Variants in ARHGAP12 observed in about 807,000 individuals in gnomAD.
ARHGAP12 encodes rho GTPase-activating protein 12.
A neutral mutation model predicts 108.6 loss-of-function variants in ARHGAP12; 64 were observed. That is an observed-to-expected ratio of 0.59 (90% confidence interval 0.48 to 0.73). The LOEUF is 0.73. Ranked by LOEUF, ARHGAP12 falls within the 30% of genes least tolerant of loss-of-function variation. The pLI is 0.00. For missense variants in ARHGAP12, 940 were observed against 1,005.9 expected, an observed-to-expected ratio of 0.93 and a Z score of 0.89; for synonymous variants, 312 against 337.2, an observed-to-expected ratio of 0.93 and a Z score of 0.82.
At chr10:31,893,467 C>A (rs1214773530) in intron 3 of ARHGAP12, among the ~76,000 whole-genome samples, 1 of 152,168 alleles carries the variant, frequency 6.6e-6, no homozygotes, top group African/African-American at 2.4e-5. Context: ...ACTATAAACA[C>A]CTCTATGCAA....
At chr10:31,818,719 T>C (rs922500726) in intron 12 of ARHGAP12, among the ~76,000 whole-genome samples, 3 of 152,178 alleles carry the variant, frequency 2.0e-5, no homozygotes, top group Non-Finnish European at 4.4e-5. Flanking sequence ...AAAAGGTATA[T>C]AATATTAACT....
intron 10 of ARHGAP12, among the ~76,000 whole-genome samples, chr10:31,831,018 T>C (rs1162995085): frequency 6.6e-6 from 1 of 152,202 alleles, no homozygotes; most frequent in African/African-American, 2.4e-5. Flanking sequence ...AATTCCACTT[T>C]TTGTAAAATT....
chr10:31,906,607 C>T (rs1349175444), intron 3 of ARHGAP12, among the ~76,000 whole-genome samples: 1 of 152,058 alleles, frequency 6.6e-6, no homozygotes, highest in Non-Finnish European at 1.5e-5. Flanking sequence ...AAACAGAGAA[C>T]TGAGTAAAAT....
intron 14 of ARHGAP12, among the ~76,000 whole-genome samples, chr10:31,814,058 G>A (rs374525980): frequency 9.5e-4 from 144 of 152,326 alleles, no homozygotes; most frequent in African/African-American, 3.0e-3. Context: ...GCCACAGGAT[G>A]CATACTATGA....
intron 4 of ARHGAP12, 110 bp downstream of exon 4, chr10:31,861,285 C>G: frequency 7.9e-7 from 1 of 1,258,268 alleles, no homozygotes; most frequent in Non-Finnish European, 1.1e-6. Context: ...TTAGAGATCA[C>G]GTGTTTTAAC....
intron 3 of ARHGAP12, among the ~76,000 whole-genome samples, chr10:31,865,977 G>A (rs1196645852): frequency 6.6e-6 from 1 of 152,060 alleles, no homozygotes; most frequent in African/African-American, 2.4e-5. Context: ...AAGATGAAAT[G>A]AGAACCCTGG....
chr10:31,815,545 ATTC>A (rs1445321477), intron 13 of ARHGAP12, among the ~76,000 whole-genome samples: 1 of 151,958 alleles, frequency 6.6e-6, no homozygotes, highest in Non-Finnish European at 1.5e-5. Flanking sequence ...TGTCTTAGGT[ATTC>A]TTAGTTTTTT....
In ARHGAP12 at chr10:31,807,057, C is replaced by G. The variant is rs1834844094; in HGVS notation, c.*601G>C. ...TTTTAAGTAATATTAGTGTGCTGCC[C>G]AAACAAGCAACTAAGATATCCAGTA... On this transcript the variant is annotated 3_prime_UTR_variant, in exon 20 of 20. Coordinates refer to ENST00000344936, the MANE Select transcript of ARHGAP12 (RefSeq NM_018287.7). 6.6e-6 allele frequency: 1 copy of G among 152,500 alleles called. No homozygotes were observed. Among genetic ancestry groups the G allele is most frequent in the Non-Finnish European group, 1.5e-5 (1 of 68,004 alleles). The allele number at this position is 152,500 out of a possible 1,614,324, so 9.4% of individuals were successfully genotyped here. A position where few individuals can be genotyped will look rare whatever the true frequency, so the allele number is the denominator to read the frequency against.
chr10:31,872,665 T>C (rs892234895), intron 3 of ARHGAP12, among the ~76,000 whole-genome samples: 1 of 152,300 alleles, frequency 6.6e-6, no homozygotes, highest in East Asian at 1.9e-4. Flanking sequence ...TCCTCCATGA[T>C]ACCACTAGTT....
At chr10:31,898,909 C>G (rs1189647370) in intron 3 of ARHGAP12, among the ~76,000 whole-genome samples, 1 of 152,070 alleles carries the variant, frequency 6.6e-6, no homozygotes, top group Non-Finnish European at 1.5e-5. Flanking sequence ...ATTATTCATA[C>G]TAGCCAAAAA....
chr10:31,849,357 C>T (rs568837358), intron 6 of ARHGAP12, among the ~76,000 whole-genome samples: 40 of 152,206 alleles, frequency 2.6e-4, no homozygotes, highest in Non-Finnish European at 1.9e-4. Context: ...AAACATGTTT[C>T]TTCTTTCCAA....
intron 3 of ARHGAP12, among the ~76,000 whole-genome samples, chr10:31,877,241 C>A (rs1205137232): frequency 6.6e-6 from 1 of 152,182 alleles, no homozygotes; most frequent in Non-Finnish European, 1.5e-5. Context: ...GAACAAAGTG[C>A]TACCAGAGGA....
chr10:31,854,484 T>C (rs952970224), intron 4 of ARHGAP12, among the ~76,000 whole-genome samples: 5 of 152,142 alleles, frequency 3.3e-5, no homozygotes, highest in African/African-American at 9.7e-5. Context: ...AGAGCTCGAA[T>C]GTTACTTAGT....
intron 3 of ARHGAP12, among the ~76,000 whole-genome samples, chr10:31,890,433 C>G (rs991717654): frequency 6.6e-6 from 1 of 152,064 alleles, no homozygotes; most frequent in African/African-American, 2.4e-5. Context: ...CTTATTTAAG[C>G]CATTATATAG....
intron 1 of ARHGAP12, among the ~76,000 whole-genome samples, chr10:31,917,960 T>A (rs1410211142): frequency 1.3e-5 from 2 of 152,042 alleles, no homozygotes; most frequent in African/African-American, 4.8e-5. Context: ...TACCTTTTTT[T>A]TTTTTCTTTT....
At chr10:31,813,771 G>A (rs1835101579) in intron 14 of ARHGAP12, among the ~76,000 whole-genome samples, 1 of 152,178 alleles carries the variant, frequency 6.6e-6, no homozygotes, top group Non-Finnish European at 1.5e-5. Flanking sequence ...CTTTTGCTAT[G>A]CTCCTTTCTG....
chr10:31,842,891 A>C (rs942710453), intron 7 of ARHGAP12, among the ~76,000 whole-genome samples: 1 of 152,132 alleles, frequency 6.6e-6, no homozygotes, highest in Non-Finnish European at 1.5e-5. Context: ...ATCCATTCTA[A>C]TGTTTGCATT....
At chr10:31,851,491 A>G (rs1836678773) in intron 6 of ARHGAP12, among the ~76,000 whole-genome samples, 1 of 152,212 alleles carries the variant, frequency 6.6e-6, no homozygotes, top group Admixed American at 6.5e-5. Flanking sequence ...ATGAGATTAC[A>G]AAACTGTAAA....
intron 10 of ARHGAP12, among the ~76,000 whole-genome samples, 171 bp from the exon 11 acceptor site, chr10:31,826,556 A>G (rs1459845442): frequency 6.6e-6 from 1 of 152,216 alleles, no homozygotes; most frequent in Non-Finnish European, 1.5e-5. Flanking sequence ...CAGTCATTTT[A>G]TGGTTCAAAC....
Sources: allele counts gnomAD v4.1 joint callset (sites outside exome capture counted in the v4.1 genomes callset), GRCh38; gene constraint gnomAD v4.1.1; transcripts MANE v1.5; gene names NCBI Gene and HGNC (gene_info 2026-07-23, HGNC 2026-07-21).